Variants in C1QTNF3 observed in about 807,000 individuals in gnomAD.
C1QTNF3 encodes C1q and TNF related 3.
C1QTNF3 carries 26 observed loss-of-function variants against 32.6 expected under a neutral mutation model. The observed-to-expected ratio is 0.80, with a 90% CI of 0.58 to 1.11. The LOEUF is 1.11. Among genes scored for constraint, C1QTNF3 ranks in the 50% least tolerant of loss-of-function variants. The pLI is 0.00. For synonymous variants in C1QTNF3, 155 were observed against 146.0 expected (o/e 1.06, Z -0.44); for missense variants, 362 against 398.2 (o/e 0.91, Z 0.77).
chr5:34,081,423 T>G, the C1QTNF3 span, among the ~76,000 whole-genome samples: 1 of 151,742 alleles, frequency 6.6e-6, no homozygotes, highest in Non-Finnish European at 1.5e-5. Flanking sequence ...ATGACATTTT[T>G]CCTTTTATAT....
At chr5:34,156,272 T>C in the C1QTNF3 span, among the ~76,000 whole-genome samples, 1 of 152,146 alleles carries the variant, frequency 6.6e-6, no homozygotes, top group African/African-American at 2.4e-5. Flanking sequence ...GGTTTCGCCA[T>C]GTTAGCCAGG....
chr5:34,153,995 CATA>C, the C1QTNF3 span, among the ~76,000 whole-genome samples: 1 of 150,064 alleles, frequency 6.7e-6, no homozygotes, highest in Non-Finnish European at 1.5e-5. Flanking sequence ...AGATTAATCA[CATA>C]ATTTTTGAAT....
At chr5:34,111,812 G>A in the C1QTNF3 span, among the ~76,000 whole-genome samples, 56 of 152,114 alleles carry the variant, frequency 3.7e-4, no homozygotes, top group Non-Finnish European at 7.5e-4. Context: ...TTTTCATTTG[G>A]GATGAAAGTA....
At chr5:34,131,449 C>T in the C1QTNF3 span, among the ~76,000 whole-genome samples, 2 of 151,628 alleles carry the variant, frequency 1.3e-5, no homozygotes, top group South Asian at 2.1e-4. Context: ...CGCACACACA[C>T]ATATTTCTAA....
intron 4 of C1QTNF3, among the ~76,000 whole-genome samples, chr5:34,027,735 C>CAAAAAA (rs34375086): frequency 1.1e-4 from 9 of 81,046 alleles, no homozygotes; most frequent in South Asian, 4.6e-4. Context: ...CCACCACCAC[C>CAAAAAA]AAAAAAAAAA....
the C1QTNF3 span, among the ~76,000 whole-genome samples, chr5:34,225,176 C>T: frequency 1.3e-5 from 2 of 151,784 alleles, no homozygotes; most frequent in African/African-American, 4.8e-5. Flanking sequence ...CTTTTAGTGC[C>T]CCAATTTTGT....
At chr5:34,243,593 A>T in the C1QTNF3 span, among the ~76,000 whole-genome samples, 2 of 152,248 alleles carry the variant, frequency 1.3e-5, no homozygotes, top group East Asian at 3.8e-4. Context: ...GACTGGATAA[A>T]GAAAATGTGG....
the C1QTNF3 span, among the ~76,000 whole-genome samples, chr5:34,236,563 CT>C: frequency 4.4e-4 from 20 of 45,306 alleles, no homozygotes; most frequent in South Asian, 1.3e-3. Context: ...TTTCTTTTTT[CT>C]TTTTTCTTTT....
At chr5:34,068,922 G>A in the C1QTNF3 span, among the ~76,000 whole-genome samples, 2 of 151,834 alleles carry the variant, frequency 1.3e-5, no homozygotes, top group Non-Finnish European at 2.9e-5. Flanking sequence ...ATCCCTTGCC[G>A]AACATGTAAG....
the C1QTNF3 span, among the ~76,000 whole-genome samples, chr5:34,172,463 C>A: frequency 1.3e-5 from 2 of 151,674 alleles, no homozygotes; most frequent in East Asian, 3.9e-4. Flanking sequence ...GGGAACTAAA[C>A]ATGCTTTCTT....
At chr5:34,045,719 A>G (rs1754974338), upstream of C1QTNF3, among the ~76,000 whole-genome samples, 2 of 151,988 alleles carry the variant, frequency 1.3e-5, no homozygotes, top group South Asian at 2.1e-4. Context: ...AGGATTCTGC[A>G]AAGAAGGATC....
the C1QTNF3 span, among the ~76,000 whole-genome samples, chr5:34,174,708 C>G: frequency 1.3e-5 from 2 of 152,164 alleles, no homozygotes; most frequent in African/African-American, 4.8e-5. Context: ...AGCCTCTCAT[C>G]CACCCTACGT....
At chr5:34,218,086 AT>A in the C1QTNF3 span, among the ~76,000 whole-genome samples, 1 of 151,306 alleles carries the variant, frequency 6.6e-6, no homozygotes, top group Non-Finnish European at 1.5e-5. Context: ...AGACAAACCA[AT>A]CAACAAATAA....
the C1QTNF3 span, among the ~76,000 whole-genome samples, chr5:34,156,809 G>A: frequency 6.6e-5 from 10 of 152,262 alleles, no homozygotes; most frequent in African/African-American, 2.4e-4. Flanking sequence ...TATATACGTG[G>A]TCTTAGTCAC....
At chr5:34,168,902 A>C in the C1QTNF3 span, 5 of 152,182 alleles carry the variant, frequency 3.3e-5, no homozygotes, top group Admixed American at 6.6e-5. Context: ...ATTAATCCCC[A>C]ATGCAACAGT....
At position 34,035,733 on chromosome 5, in the gene C1QTNF3, G is replaced by C. The variant is rs1251733873; in HGVS notation, c.329C>G (p.Pro110Arg). The change falls in exon 2 of 6, where the codon CCA becomes CGA. Residue 110 changes from proline to arginine, a missense_variant. Physicochemically the swap from Pro to Arg is moderately radical, Grantham distance 103. Transcript: ENST00000382065. ...TCCATGACAACACTTACTGCAGTCT[G>C]GGGGTAGTCCTCCGGTTTGTGGAGA... ...GQSPQTGGLPPDCSKCCHGDY... is the reference protein window; with the variant it reads ...GQSPQTGGLPRDCSKCCHGDY... 6.2e-7 allele frequency: 1 copy of C among 1,612,816 alleles called. No individual in the cohort carries two copies. The highest frequency in any genetic ancestry group is 8.5e-7 in the Non-Finnish European group (1 of 1,179,594).
intron 3 of C1QTNF3, 79 bp downstream of exon 3, chr5:34,033,225 G>C (rs867131210): frequency 4.7e-6 from 7 of 1,484,994 alleles, no homozygotes; most frequent in Middle Eastern, 2.3e-4. Flanking sequence ...TTGAGGAAGC[G>C]CTCGAACATC....
chr5:34,205,149 C>G, the C1QTNF3 span, among the ~76,000 whole-genome samples: 3 of 148,566 alleles, frequency 2.0e-5, no homozygotes, highest in Admixed American at 2.0e-4. Flanking sequence ...GTTATCAATT[C>G]TGGTACAGCT....
chr5:34,145,649 C>T, the C1QTNF3 span, among the ~76,000 whole-genome samples: 1 of 144,454 alleles, frequency 6.9e-6, no homozygotes, highest in Non-Finnish European at 1.5e-5. Flanking sequence ...CCAGCATCAA[C>T]CTGATACCAC....
Sources: gnomAD v4.1 joint callset for allele counts (sites outside exome capture counted in the v4.1 genomes callset) on GRCh38, gnomAD v4.1.1 for gene constraint, MANE v1.5 for transcripts, NCBI Gene and HGNC (gene_info 2026-07-23, HGNC 2026-07-21) for gene names.